CALN1: variants seen among roughly 807,000 people sequenced by gnomAD.
CALN1 encodes the protein calcium-binding protein 8.
CALN1 carries 17 observed loss-of-function variants against 30.6 expected under a neutral mutation model. That is an observed-to-expected ratio of 0.56 (90% CI 0.38 to 0.83). CALN1 has a LOEUF of 0.83. Among genes scored for constraint, CALN1 ranks in the 40% least tolerant of loss-of-function variants. The probability of loss-of-function intolerance (pLI) is 0.00; values close to 1 mark genes in which losing one functional copy is unlikely to be tolerated. For synonymous variants in CALN1, 156 were observed against 131.4 expected (o/e 1.19, Z -1.28); for missense variants, 291 against 354.9 (o/e 0.82, Z 1.45).
intron 2 of CALN1, among the ~76,000 whole-genome samples, chr7:72,386,965 G>C (rs1218838763): frequency 6.6e-6 from 1 of 151,324 alleles, no homozygotes; most frequent in African/African-American, 2.4e-5. Flanking sequence ...TCAGCTGAGG[G>C]GACCTAGAAA....
chr7:72,307,432 G>A (rs1017066079), intron 2 of CALN1, among the ~76,000 whole-genome samples: 5 of 152,282 alleles, frequency 3.3e-5, no homozygotes, highest in East Asian at 1.9e-4. Context: ...GCTGAAGCCC[G>A]TCTGGCCGCA....
At chr7:72,102,771 T>C (rs191020594) in intron 4 of CALN1, among the ~76,000 whole-genome samples, 1 of 151,928 alleles carries the variant, frequency 6.6e-6, no homozygotes, top group African/African-American at 2.4e-5. Context: ...TGAGAGGTGA[T>C]GGCTAAGAGG....
chr7:71,943,496 A>G (rs1308985676), intron 5 of CALN1, among the ~76,000 whole-genome samples: 1 of 152,194 alleles, frequency 6.6e-6, no homozygotes, highest in African/African-American at 2.4e-5. Flanking sequence ...GCTGGAGCAC[A>G]GTGGCACGAT....
intron 5 of CALN1, among the ~76,000 whole-genome samples, chr7:71,908,175 C>A (rs886873963): frequency 1.6e-4 from 25 of 152,288 alleles, no homozygotes; most frequent in African/African-American, 6.0e-4. Flanking sequence ...ACCTCCTGAA[C>A]CCTTTGGTGG....
chr7:72,053,229 C>CA (rs1490152853), intron 4 of CALN1, among the ~76,000 whole-genome samples: 2 of 152,054 alleles, frequency 1.3e-5, no homozygotes, highest in Non-Finnish European at 2.9e-5. Flanking sequence ...GACTCTGTCT[C>CA]AAAAAACAAA....
intron 5 of CALN1, among the ~76,000 whole-genome samples, chr7:71,950,353 G>A (rs955527837): frequency 6.6e-6 from 1 of 152,174 alleles, no homozygotes; most frequent in Admixed American, 6.5e-5. Flanking sequence ...CAGATACATG[G>A]AAGGGTTGAG....
At chr7:72,359,549 C>T (rs955005621) in intron 2 of CALN1, among the ~76,000 whole-genome samples, 3 of 152,164 alleles carry the variant, frequency 2.0e-5, no homozygotes, top group Admixed American at 6.5e-5. Flanking sequence ...GCAGGCACCA[C>T]GTGCCTCCTG....
Position 71,923,343 on chromosome 7 carries a change from A to AATCAACGGCTTCAAAGG in CALN1, c.501+100297_501+100313dup, listed in dbSNP as rs1795081546. Among the ~76,000 whole-genome samples, 2 of 152,212 alleles carry AATCAACGGCTTCAAAGG rather than the reference A, an allele frequency of 1.3e-5. 1 individual carries two copies. Among genetic ancestry groups the AATCAACGGCTTCAAAGG allele is most frequent in the Non-Finnish European group, 2.9e-5 (2 of 68,036 alleles). On this transcript the variant is annotated intron_variant, in intron 5 of 6. Transcript: ENST00000395275. ...CCAGGCCCTATAAAAACACAGATATAATCAACGGCTTCAAAGGAGAACTAG... is the reference window on the plus strand; with the variant it reads ...CCAGGCCCTATAAAAACACAGATATAATCAACGGCTTCAAAGGATCAACGGCTTCAAAGGAGAACTAG...
intron 3 of CALN1, among the ~76,000 whole-genome samples, chr7:72,148,421 GA>G (rs1554455390): frequency 2.2e-5 from 2 of 90,060 alleles, no homozygotes; most frequent in African/African-American, 2.9e-5. Flanking sequence ...GTAAAAAAAA[GA>G]AAAAAAAGAA....
intron 3 of CALN1, among the ~76,000 whole-genome samples, chr7:72,159,402 G>C (rs984120212): frequency 6.6e-6 from 1 of 152,178 alleles, no homozygotes; most frequent in Non-Finnish European, 1.5e-5. Flanking sequence ...CAGAGGCTGA[G>C]GCAGGGAGGA....
intron 5 of CALN1, among the ~76,000 whole-genome samples, chr7:71,934,209 A>T (rs548858233): frequency 5.6e-4 from 85 of 152,328 alleles, no homozygotes; most frequent in Middle Eastern, 6.8e-3. Context: ...ATTCTCAAAG[A>T]AAGATAATAT....
At chr7:72,045,216 A>G (rs1802392062) in intron 4 of CALN1, among the ~76,000 whole-genome samples, 1 of 152,152 alleles carries the variant, frequency 6.6e-6, no homozygotes, top group South Asian at 2.1e-4. Context: ...CACTACTAGA[A>G]AGCACCTGCC....
chr7:71,904,765 A>ATG (rs1482835109), intron 5 of CALN1, among the ~76,000 whole-genome samples: 1 of 152,240 alleles, frequency 6.6e-6, no homozygotes, highest in Non-Finnish European at 1.5e-5. Context: ...TTATCCCACA[A>ATG]TGTACGTATA....
chr7:72,460,238 T>G, the CALN1 span, among the ~76,000 whole-genome samples: 4 of 152,210 alleles, frequency 2.6e-5, no homozygotes, highest in Non-Finnish European at 5.9e-5. Flanking sequence ...GGGGATCACA[T>G]TTCAGCATGA....
intron 4 of CALN1, among the ~76,000 whole-genome samples, chr7:72,078,658 C>A (rs762938100): frequency 5.4e-4 from 82 of 152,080 alleles, no homozygotes; most frequent in Non-Finnish European, 1.0e-3. Flanking sequence ...GAGGGTCGGG[C>A]GCAGTGGCTT....
intron 4 of CALN1, among the ~76,000 whole-genome samples, chr7:72,033,878 G>A (rs1404449570): frequency 6.6e-6 from 1 of 152,140 alleles, no homozygotes; most frequent in South Asian, 2.1e-4. Flanking sequence ...ACTGGGGAAA[G>A]GGTCTTAGTT....
chr7:72,221,167 G>A (rs964444491), intron 3 of CALN1, among the ~76,000 whole-genome samples: 1 of 152,080 alleles, frequency 6.6e-6, no homozygotes, highest in Non-Finnish European at 1.5e-5. Context: ...CGAAAGGGTG[G>A]TGAAAGGGGA....
chr7:72,306,621 TA>T (rs755368348), intron 2 of CALN1, among the ~76,000 whole-genome samples: 369 of 117,802 alleles, frequency 3.1e-3, no homozygotes, highest in South Asian at 6.3e-3. Context: ...ATTCCTGCTC[TA>T]AAAAAAAAAA....
intron 2 of CALN1, among the ~76,000 whole-genome samples, chr7:72,310,350 T>G (rs937148491): frequency 6.7e-6 from 1 of 149,542 alleles, no homozygotes; most frequent in African/African-American, 2.5e-5. Flanking sequence ...GAGGCTGATA[T>G]GTGGTCAGAA....
Sources: allele counts gnomAD v4.1 joint callset (sites outside exome capture counted in the v4.1 genomes callset), GRCh38; gene constraint gnomAD v4.1.1; transcripts MANE v1.5; gene names NCBI Gene and HGNC (gene_info 2026-07-23, HGNC 2026-07-21).